The following EXOC6 variants were observed in gnomAD, a reference collection of about 807,000 sequenced individuals.
The protein encoded by EXOC6 is SEC15-like 1.
EXOC6 carries 60 observed loss-of-function variants against 112.5 expected under a neutral mutation model. That is an observed-to-expected ratio of 0.53 (90% confidence interval 0.43 to 0.66). The LOEUF is 0.66. EXOC6 is among the 30% of genes least tolerant of loss of function. The pLI is 0.00. For synonymous variants in EXOC6, 295 were observed against 308.0 expected (o/e 0.96, Z 0.44); for missense variants, 855 against 957.1 (o/e 0.89, Z 1.41).
intron 7 of EXOC6, among the ~76,000 whole-genome samples, chr10:92,919,184 T>G (rs1214208855): frequency 6.6e-6 from 1 of 152,230 alleles, no homozygotes. Flanking sequence ...AGCATCACCA[T>G]CATGCCTTAC....
At chr10:92,953,308 G>C (rs553173180) in intron 15 of EXOC6, among the ~76,000 whole-genome samples, 2 of 152,052 alleles carry the variant, frequency 1.3e-5, no homozygotes, top group South Asian at 2.1e-4. Flanking sequence ...TGAACTCTTG[G>C]CCTCAAGCAA....
intron 6 of EXOC6, among the ~76,000 whole-genome samples, chr10:92,915,480 A>G (rs762329265): frequency 6.7e-6 from 1 of 149,150 alleles, no homozygotes; most frequent in Non-Finnish European, 1.5e-5. Flanking sequence ...AGGTAGGAGG[A>G]TCACTGCAGC....
At chr10:92,891,820 G>C (rs1849517639) in intron 1 of EXOC6, among the ~76,000 whole-genome samples, 2 of 152,112 alleles carry the variant, frequency 1.3e-5, no homozygotes. Context: ...ATCCTATATT[G>C]TTACCTCTTG....
intron 17 of EXOC6, among the ~76,000 whole-genome samples, chr10:92,968,903 TTAAG>T (rs1417787951): frequency 1.3e-5 from 2 of 152,190 alleles, no homozygotes; most frequent in Admixed American, 6.5e-5. Context: ...TTTTTTTCTA[TTAAG>T]TAAGTGGAAG....
intron 1 of EXOC6, among the ~76,000 whole-genome samples, chr10:92,878,840 CAAGTT>C: frequency 6.6e-6 from 1 of 152,118 alleles, no homozygotes; most frequent in East Asian, 1.9e-4. Flanking sequence ...TATACCTAGT[CAAGTT>C]GAGATTTTTA....
chr10:92,996,488 G>T (rs960706666), intron 18 of EXOC6, among the ~76,000 whole-genome samples: 1 of 152,150 alleles, frequency 6.6e-6, no homozygotes, highest in Non-Finnish European at 1.5e-5. Context: ...GTGGTGGTGG[G>T]CACCTGTAGT....
intron 13 of EXOC6, among the ~76,000 whole-genome samples, chr10:92,944,595 A>G (rs1852860253): frequency 6.6e-6 from 1 of 152,096 alleles, no homozygotes; most frequent in Non-Finnish European, 1.5e-5. Context: ...GGGATCATAT[A>G]GTAGTTCTAT....
chr10:93,025,956 TA>T (rs1483110931), intron 20 of EXOC6, among the ~76,000 whole-genome samples: 1 of 152,218 alleles, frequency 6.6e-6, no homozygotes, highest in East Asian at 1.9e-4. Flanking sequence ...ACACCAAAGA[TA>T]AAAGTAGCCT....
intron 1 of EXOC6, among the ~76,000 whole-genome samples, chr10:92,875,143 T>C (rs1848627482): frequency 6.6e-6 from 1 of 152,202 alleles, no homozygotes; most frequent in Non-Finnish European, 1.5e-5. Context: ...TAAGAATCAC[T>C]GTATGGGAAT....
chr10:92,906,009 T>G (rs544004776), intron 5 of EXOC6, among the ~76,000 whole-genome samples: 2 of 152,282 alleles, frequency 1.3e-5, no homozygotes, highest in East Asian at 3.9e-4. Context: ...GCTTCACATA[T>G]TTTGATGCTC....
rs1370675320 is a variant in EXOC6 at position 92,894,832 on chromosome 10, T to C, written c.312T>C (p.Ala104=). 5 of 1,613,438 alleles carry C rather than the reference T, an allele frequency of 3.1e-6. No individual in the cohort carries two copies. The highest frequency in any genetic ancestry group is 4.2e-6 in the Non-Finnish European group (5 of 1,179,692). ...ATACCAACCGAAGGTTTCAAGATGC[T>C]GGAAAAGAGGTGAGAAAATGATACT... ...VTDTNRRFQD[A]GKEVIVHTED... Residue 104 remains alanine, a synonymous_variant, in exon 3 of 22, where the codon GCT becomes GCC. Transcript: ENST00000260762.
upstream of EXOC6, among the ~76,000 whole-genome samples, chr10:92,833,203 G>C (rs1383293966): frequency 6.6e-6 from 1 of 152,180 alleles, no homozygotes; most frequent in Admixed American, 6.5e-5. Context: ...TATTGCTCTT[G>C]TGTCTGTGGT....
chr10:93,032,582 G>A (rs1845320636), intron 20 of EXOC6, among the ~76,000 whole-genome samples: 1 of 152,134 alleles, frequency 6.6e-6, no homozygotes, highest in Non-Finnish European at 1.5e-5. Context: ...AGATCACCAA[G>A]AGCTGCCGTA....
At chr10:92,886,245 A>G (rs921417348) in intron 1 of EXOC6, among the ~76,000 whole-genome samples, 5 of 152,240 alleles carry the variant, frequency 3.3e-5, no homozygotes, top group African/African-American at 4.8e-5. Flanking sequence ...ATTATCATTT[A>G]AAGAAAAAAA....
intron 1 of EXOC6, among the ~76,000 whole-genome samples, chr10:92,886,057 C>T (rs554409083): frequency 3.2e-4 from 49 of 152,030 alleles, no homozygotes; most frequent in African/African-American, 1.0e-3. Context: ...ACTGAAAGAA[C>T]GAAAAATTAT....
chr10:92,853,869 GA>G (rs984312735), intron 1 of EXOC6, among the ~76,000 whole-genome samples: 4 of 151,930 alleles, frequency 2.6e-5, no homozygotes, highest in African/African-American at 9.7e-5. Flanking sequence ...ATACATAAGA[GA>G]AAAAAATTGA....
chr10:92,917,918 G>A (rs1347892850), intron 7 of EXOC6, among the ~76,000 whole-genome samples: 4 of 152,138 alleles, frequency 2.6e-5, no homozygotes, highest in East Asian at 3.9e-4. Context: ...TTGGGAGGCC[G>A]AGGGGGGCAG....
chr10:93,006,762 A>C (rs1260568481), intron 19 of EXOC6, among the ~76,000 whole-genome samples: 1 of 152,200 alleles, frequency 6.6e-6, no homozygotes, highest in South Asian at 2.1e-4. Context: ...TAATATTCAG[A>C]TCTAGATAGA....
chr10:92,854,007 C>CAA (rs34153493), intron 1 of EXOC6, among the ~76,000 whole-genome samples: 2,136 of 119,982 alleles, frequency 0.018, 47 homozygotes, highest in African/African-American at 0.06. Flanking sequence ...GTCCCTGTCT[C>CAA]AAAAAAAAAA....
Sources: allele counts gnomAD v4.1 joint callset (sites outside exome capture counted in the v4.1 genomes callset), GRCh38; gene constraint gnomAD v4.1.1; transcripts MANE v1.5; gene names NCBI Gene and HGNC (gene_info 2026-07-23, HGNC 2026-07-21).